TXNDC12: variants seen among roughly 807,000 people sequenced by gnomAD.
TXNDC12 encodes thioredoxin domain-containing protein 12.
A neutral mutation model predicts 24.2 loss-of-function variants in TXNDC12; 22 were observed. The observed-to-expected ratio is 0.91, with a 90% CI of 0.65 to 1.30. TXNDC12 has a LOEUF of 1.30. Ranked by LOEUF, TXNDC12 falls within the 50% of genes most tolerant of loss-of-function variation. The pLI is 0.00. For missense variants in TXNDC12, 184 were observed against 205.8 expected (o/e 0.89, Z 0.65); for synonymous variants, 58 against 73.4 (o/e 0.79, Z 1.07).
chr1:52,040,045 C>T (rs1685957716), intron 2 of TXNDC12, among the ~76,000 whole-genome samples: 1 of 152,096 alleles, frequency 6.6e-6, no homozygotes, highest in Admixed American at 6.6e-5. Flanking sequence ...GATTCTCTTG[C>T]TTCAGCCTCC....
At chr1:52,034,020 G>A in intron 2 of TXNDC12, 1 of 1,384,522 alleles carries the variant, frequency 7.2e-7, no homozygotes, top group Non-Finnish European at 9.3e-7. Context: ...TTCCTGCAGC[G>A]AAAGACTGCC....
In TXNDC12 at chr1:52,020,426, A is replaced by G. The variant is rs1440078427; in HGVS notation, c.*507T>C. 5 of 260,182 alleles carry G rather than the reference A, an allele frequency of 1.9e-5. No homozygotes were observed. The highest frequency in any genetic ancestry group is 3.8e-5 in the Non-Finnish European group (5 of 131,202). The allele number at this position is 260,182 out of a possible 1,614,324, so 16.1% of individuals were successfully genotyped here. A position where few individuals can be genotyped will look rare whatever the true frequency, so the allele number is the denominator to read the frequency against. ...CAATTATTCCCAGGAGAAAAAAGGG[A>G]AAAAACAGGCTGATATCCTTGGTAG... On this transcript the variant is annotated 3_prime_UTR_variant, in exon 7 of 7. Transcript: ENST00000371626.
At chr1:52,049,415 C>CCCCGT (rs909707573) in intron 1 of TXNDC12, among the ~76,000 whole-genome samples, 1 of 152,038 alleles carries the variant, frequency 6.6e-6, no homozygotes, top group African/African-American at 2.4e-5. Context: ...CACAGTGAAA[C>CCCCGT]CCCGTCTCTA....
Position 52,048,871 on chromosome 1 carries a change from T to A in TXNDC12, c.97+6129A>T, listed in dbSNP as rs539632209. The stretch of plus-strand genomic sequence containing the variant: ...GACTCTGTCTCAAAAAAATAATAAT[T>A]AATTAATTAATTAAAATAAATTCTC... On this transcript the variant is annotated intron_variant, in intron 1 of 6. Transcript: ENST00000371626. Among the ~76,000 whole-genome samples, 382 of 149,360 alleles carry A rather than the reference T, an allele frequency of 2.6e-3. 2 individuals carry two copies. The highest frequency in any genetic ancestry group is 8.8e-3 in the African/African-American group (365 of 41,350).
At chr1:52,033,221 C>T (rs771603131) in intron 2 of TXNDC12, 1 of 1,614,156 alleles carries the variant, frequency 6.2e-7, no homozygotes, top group Admixed American at 1.7e-5. Context: ...GACTCCGCAG[C>T]CCCGGATTCT....
At chr1:52,037,615 G>T (rs1010146578) in intron 2 of TXNDC12, among the ~76,000 whole-genome samples, 5 of 152,212 alleles carry the variant, frequency 3.3e-5, no homozygotes, top group Admixed American at 2.0e-4. Context: ...TCTCTTACTG[G>T]CAAGGTACTT....
At chr1:52,028,863 C>T (rs2124363427) in intron 2 of TXNDC12, among the ~76,000 whole-genome samples, 1 of 152,292 alleles carries the variant, frequency 6.6e-6, no homozygotes, top group South Asian at 2.1e-4. Flanking sequence ...CACAGTGGCT[C>T]ATGTCTGTAA....
intron 2 of TXNDC12, among the ~76,000 whole-genome samples, chr1:52,029,065 T>C (rs939051898): frequency 2.6e-5 from 4 of 152,020 alleles, no homozygotes; most frequent in Non-Finnish European, 5.9e-5. Context: ...GAGGCAGAGG[T>C]TGCAGTGAGC....
intron 1 of TXNDC12, among the ~76,000 whole-genome samples, chr1:52,046,894 T>TATATATATATATA (rs1686106030): frequency 6.9e-6 from 1 of 144,904 alleles, no homozygotes; most frequent in African/African-American, 2.6e-5. Context: ...TATATATATA[T>TATATATATATATA]TAGCCGGGTA....
intron 2 of TXNDC12, among the ~76,000 whole-genome samples, chr1:52,034,341 G>T (rs1457946726): frequency 6.6e-6 from 1 of 152,184 alleles, no homozygotes; most frequent in East Asian, 1.9e-4. Context: ...TAAAAGAACA[G>T]AAGGGAAAAA....
chr1:52,043,489 A>C (rs939365456), intron 1 of TXNDC12, among the ~76,000 whole-genome samples: 1 of 152,182 alleles, frequency 6.6e-6, no homozygotes, highest in African/African-American at 2.4e-5. Context: ...CTGACATACC[A>C]CATGTGTTAT....
intron 1 of TXNDC12, among the ~76,000 whole-genome samples, chr1:52,046,480 T>C (rs766853952): frequency 6.6e-6 from 1 of 152,120 alleles, no homozygotes; most frequent in Non-Finnish European, 1.5e-5. Flanking sequence ...CCTGGACAAG[T>C]AGAAGGATGG....
At chr1:52,030,880 G>A (rs1209969085) in intron 2 of TXNDC12, among the ~76,000 whole-genome samples, 1 of 152,144 alleles carries the variant, frequency 6.6e-6, no homozygotes, top group Admixed American at 6.6e-5. Flanking sequence ...AAAATTAATT[G>A]TAATTCACAT....
chr1:52,035,447 C>T (rs547968838), intron 2 of TXNDC12, among the ~76,000 whole-genome samples: 18 of 152,254 alleles, frequency 1.2e-4, no homozygotes, highest in African/African-American at 3.9e-4. Context: ...TGGTGGCTCG[C>T]GCCTGTAATC....
At chr1:52,030,666 T>A (rs1473293088) in intron 2 of TXNDC12, 6 of 152,300 alleles carry the variant, frequency 3.9e-5, no homozygotes, top group Non-Finnish European at 7.3e-5. Context: ...AGCATGCATG[T>A]TTTCGAATGT....
intron 4 of TXNDC12, among the ~76,000 whole-genome samples, chr1:52,025,063 A>C (rs762223838): frequency 2.6e-5 from 4 of 152,172 alleles, no homozygotes; most frequent in Admixed American, 6.6e-5. Flanking sequence ...TCAACGAGGA[A>C]ATTTTGTCTG....
chr1:52,046,615 C>A (rs1572010623), intron 1 of TXNDC12, among the ~76,000 whole-genome samples: 1 of 152,218 alleles, frequency 6.6e-6, no homozygotes, highest in East Asian at 1.9e-4. Flanking sequence ...GTGGCTCACG[C>A]CTGTAATCCC....
At chr1:52,033,139 A>T in intron 2 of TXNDC12, 4 of 1,614,094 alleles carry the variant, frequency 2.5e-6, no homozygotes, top group Admixed American at 3.3e-5. Flanking sequence ...GGCCTCCAGG[A>T]GTTCGGGAGA....
Position 52,032,237 on chromosome 1 carries a change from A to T in TXNDC12, c.159-3607T>A, listed in dbSNP as rs1018342759. The T allele has an allele frequency of 1.2e-5, 12 of 986,644 alleles. No individual in the cohort carries two copies. In the African/African-American group the frequency reaches 2.1e-4, roughly 17 times the overall value. 61.1% of individuals were successfully genotyped at this position (986,644 alleles called of 1,614,324 possible). Reference sequence around the variant, plus strand: ...CTCGGTCCCAGAATAGAAACTAGCAAAAAGTCAGTACAGTACTCAAAAAAT... The same window carrying T: ...CTCGGTCCCAGAATAGAAACTAGCATAAAGTCAGTACAGTACTCAAAAAAT... On this transcript the variant is annotated intron_variant, in intron 2 of 6. Coordinates refer to ENST00000371626, the MANE Select transcript of TXNDC12 (RefSeq NM_015913.4).
Sources: gnomAD v4.1 joint callset for allele counts (sites outside exome capture counted in the v4.1 genomes callset) on GRCh38, gnomAD v4.1.1 for gene constraint, MANE v1.5 for transcripts, NCBI Gene and HGNC (gene_info 2026-07-23, HGNC 2026-07-21) for gene names.